WDR81: variants seen among roughly 807,000 people sequenced by gnomAD.
WDR81 encodes the protein WD repeat domain 81.
WDR81 carries 92 observed loss-of-function variants against 140.8 expected under a neutral mutation model. The ratio of observed to expected loss-of-function variants is 0.65; its 90% CI spans 0.55 to 0.78. The LOEUF (loss-of-function observed/expected upper bound fraction) is 0.78. WDR81 is among the 30% of genes least tolerant of loss of function. The pLI is 0.00. For synonymous variants in WDR81, 1,183 were observed against 1,156.4 expected, an observed-to-expected ratio of 1.02 and a Z score of -0.47; for missense variants, 2,502 against 2,636.4, an observed-to-expected ratio of 0.95 and a Z score of 1.12.
chr17:1,731,989 T>C (rs1904389812), intron 4 of WDR81, among the ~76,000 whole-genome samples: 1 of 149,888 alleles, frequency 6.7e-6, no homozygotes, highest in Non-Finnish European at 1.5e-5. Flanking sequence ...ATCCCAGCAC[T>C]TTGGGAGGCC....
intron 1 of WDR81, among the ~76,000 whole-genome samples, chr17:1,717,891 C>T (rs73291045): frequency 0.03 from 4,591 of 152,176 alleles, 224 homozygotes; most frequent in African/African-American, 0.1. Flanking sequence ...AAGGCCAGTA[C>T]TGGGGAGGTC....
chr17:1,733,727 G>C lies in WDR81; in HGVS notation c.4690G>C (p.Val1564Leu). ...GHSGTFGSVL[V>L]GNRIQIPNDS... Reference sequence around the variant, plus strand: ...CTCAGGGACCTTTGGGAGCGTCCTGGTGGGGAACCGCATTCAGATCCCCAA... The same window carrying C: ...CTCAGGGACCTTTGGGAGCGTCCTGCTGGGGAACCGCATTCAGATCCCCAA... The change falls in exon 7 of 10, where the codon GTG (valine) becomes CTG (leucine). Residue 1564 changes from valine to leucine, a missense_variant. Physicochemically the swap from Val to Leu is conservative, Grantham distance 32 (BLOSUM62 1). This residue lies in a region of WDR81 where 1,737 missense variants were observed against 1,843.0 expected (regional missense o/e 0.94). Transcript: ENST00000409644. The C allele has an allele frequency of 6.2e-7, 1 of 1,612,678 alleles. No homozygotes were observed. The highest frequency in any genetic ancestry group is 8.5e-7 in the Non-Finnish European group (1 of 1,179,872).
At position 1,726,420 on chromosome 17, in the gene WDR81, C is replaced by T. The variant is rs755560485; in HGVS notation, c.1461C>T (p.Thr487=). 2.6e-6 allele frequency: 4 copies of T among 1,548,968 alleles called. No homozygotes were observed. Among genetic ancestry groups the T allele is most frequent in the Non-Finnish European group, 3.5e-6 (4 of 1,146,558 alleles). ...PASMERMQNW[T]PDECIPEFYT... is the part of the protein sequence containing the mutation. ...GCATGGAGCGGATGCAGAACTGGACCCCGGATGAGTGCATTCCGGAGTTCT... is the reference window on the plus strand; with the variant it reads ...GCATGGAGCGGATGCAGAACTGGACTCCGGATGAGTGCATTCCGGAGTTCT... Residue 487 remains threonine (T), a synonymous_variant, in exon 1 of 10, where the codon ACC becomes ACT. Transcript: ENST00000409644.
In WDR81 at chr17:1,726,638, A is replaced by C. The variant is rs1280552773; in HGVS notation, c.1679A>C (p.Lys560Thr). The C allele has an allele frequency of 6.5e-7, 1 of 1,550,268 alleles. No homozygotes were observed. Among genetic ancestry groups the C allele is most frequent in the South Asian group, 1.2e-5 (1 of 84,060 alleles). Reference sequence around the variant, plus strand: ...AAACTCCAGGGTAAGGAGGCTGTCAAGGAAAAGAATGTGTGTCTGCACCTG... The same window carrying C: ...AAACTCCAGGGTAAGGAGGCTGTCACGGAAAAGAATGTGTGTCTGCACCTG... ...GYKLQGKEAV[K>T]EKNVCLHLVD... Residue 560 changes from lysine to threonine, a missense_variant, in exon 1 of 10, where the codon AAG (lysine) becomes ACG (threonine). Physicochemically the swap from Lys to Thr is moderately conservative, Grantham distance 78 (BLOSUM62 -1). This residue lies in a region of WDR81 where 218 missense variants were observed against 279.6 expected (regional missense o/e 0.78). Transcript: ENST00000409644.
chr17:1,737,312 AG>A, intron 9 of WDR81, 52 bp from the exon 10 acceptor site: 4 of 1,525,392 alleles, frequency 2.6e-6, no homozygotes, highest in Non-Finnish European at 3.5e-6. Context: ...TTGGGGCCCA[AG>A]GGTATGCAGA....
At chr17:1,717,766 C>T (rs752778685) in intron 1 of WDR81, among the ~76,000 whole-genome samples, 4 of 152,178 alleles carry the variant, frequency 2.6e-5, no homozygotes, top group Non-Finnish European at 5.9e-5. Context: ...CTCCCCCAAC[C>T]CCAACCCCGC....
At position 1,725,478 on chromosome 17, in the gene WDR81, C is replaced by A; in HGVS notation, c.519C>A (p.Ala173=). The change falls in exon 1 of 10, where the codon GCC becomes GCA. Residue 173 remains alanine, a synonymous_variant. Transcript: ENST00000409644. ...SHSPAPSAVP[A]LDSVRQALQR... ...GCCCTGCCCCCTCAGCTGTCCCTGC[C>A]TTGGACTCAGTACGGCAGGCTCTGC... The A allele has an allele frequency of 6.5e-7, 1 of 1,548,678 alleles. No homozygotes were observed. Among genetic ancestry groups the A allele is most frequent in the Non-Finnish European group, 8.7e-7 (1 of 1,146,936 alleles).
rs762864786 is a variant in WDR81 at position 1,731,199 on chromosome 17, C to G, written c.4098C>G (p.Pro1366=). ...ACACCACACTCATGGACATCCTGCCCCGGATCAGCCATGAGGTCCTGCTGC... is the reference window on the plus strand; with the variant it reads ...ACACCACACTCATGGACATCCTGCCGCGGATCAGCCATGAGGTCCTGCTGC... ...LSDTTLMDIL[P]RISHEVLLPV... is the part of the protein sequence containing the mutation. The change falls in exon 4 of 10, where the codon CCC becomes CCG. Residue 1366 remains proline, a synonymous_variant. Transcript: ENST00000409644. The G allele has an allele frequency of 2.5e-6, 4 of 1,613,600 alleles. No individual in the cohort carries two copies. The highest frequency in any genetic ancestry group is 3.4e-6 in the Non-Finnish European group (4 of 1,180,016).
upstream of WDR81, among the ~76,000 whole-genome samples, chr17:1,721,761 G>T (rs1444890425): frequency 6.6e-6 from 1 of 151,280 alleles, no homozygotes; most frequent in African/African-American, 2.4e-5. Context: ...GGTCGAGGCT[G>T]CAGGGAGCCA....
At chr17:1,716,843 A>G in intron 1 of WDR81, 1 of 621,164 alleles carries the variant, frequency 1.6e-6, no homozygotes, top group East Asian at 2.8e-5. Flanking sequence ...AGGGCAGCAG[A>G]GACTGCCGTT....
chr17:1,716,692 G>A, intron 1 of WDR81: 2 of 1,528,850 alleles, frequency 1.3e-6, no homozygotes, highest in Non-Finnish European at 1.8e-6. Flanking sequence ...CTTAAAGGGC[G>A]ACAGCCCCTC....
In WDR81 at chr17:1,726,603, G is replaced by C. The variant is rs771489078; in HGVS notation, c.1644G>C (p.Thr548=). 1 of 1,550,188 alleles carries C rather than the reference G, an allele frequency of 6.5e-7. No individual in the cohort carries two copies. The highest frequency in any genetic ancestry group is 1.4e-5 in the African/African-American group (1 of 73,014). The change falls in exon 1 of 10, where the codon ACG becomes ACC. Residue 548 remains threonine, a synonymous_variant. Coordinates refer to ENST00000409644, the MANE Select transcript of WDR81 (RefSeq NM_001163809.2). The stretch of plus-strand genomic sequence containing the variant: ...ACCTGCACCATTGGATCGACCTCAC[G>C]TTTGGCTATAAACTCCAGGGTAAGG... ...SRDLHHWIDL[T]FGYKLQGKEA... is the part of the protein sequence containing the mutation.
chr17:1,732,875 T>A (rs760416292), intron 6 of WDR81, 44 bp downstream of exon 6: 1 of 1,555,212 alleles, frequency 6.4e-7, no homozygotes, highest in Admixed American at 1.8e-5. Flanking sequence ...CGTGGCTGTC[T>A]CCTCCCTTGG....
chr17:1,732,293 G>A (rs377456986), intron 4 of WDR81, 32 bp from the exon 5 acceptor site: 8 of 1,603,054 alleles, frequency 5.0e-6, no homozygotes, highest in Middle Eastern at 1.7e-4. Flanking sequence ...CCTGCAGAAC[G>A]GCGGGCTGGA....
upstream of WDR81, among the ~76,000 whole-genome samples, chr17:1,723,457 T>TTATTTTTTTTA (rs60606428): frequency 7.7e-6 from 1 of 130,538 alleles, no homozygotes; most frequent in South Asian, 2.4e-4. Context: ...ATTTATTTAT[T>TTATTTTTTTTA]TTTATTTATT....
chr17:1,717,036 C>T (rs1914606736), intron 1 of WDR81: 1 of 250,144 alleles, frequency 4.0e-6, no homozygotes, highest in Non-Finnish European at 7.8e-6. Flanking sequence ...ACAGTCCTCA[C>T]CTTAGGGTAG....
Position 1,728,191 on chromosome 17 carries a change from G to C in WDR81, c.3232G>C (p.Asp1078His), listed in dbSNP as rs763981411. 3 of 1,605,652 alleles carry C rather than the reference G, an allele frequency of 1.9e-6. No individual in the cohort carries two copies. Among genetic ancestry groups the C allele is most frequent in the Non-Finnish European group, 2.6e-6 (3 of 1,174,404 alleles). Residue 1078 changes from aspartate to histidine, a missense_variant, in exon 1 of 10, where the codon GAC (aspartate) becomes CAC (histidine). Asp to His is a moderately conservative substitution (Grantham distance 81). This residue lies in a region of WDR81 where 1,737 missense variants were observed against 1,843.0 expected (regional missense o/e 0.94). Coordinates refer to ENST00000409644, the MANE Select transcript of WDR81 (RefSeq NM_001163809.2). ...TSGVSFHDQA[D>H]LPETEDFQAG... ...TGGCGTCAGCTTCCACGACCAGGCT[G>C]ACCTCCCTGAGACAGAGGACTTCCA...
rs1905014342 is a variant in WDR81, at chr17:1,737,744, C to T, written c.*59C>T. 6.6e-7 allele frequency: 1 copy of T among 1,517,312 alleles called. No individual in the cohort carries two copies. The highest frequency in any genetic ancestry group is 1.3e-5 in the South Asian group (1 of 77,854). 94.0% of individuals were successfully genotyped at this position (1,517,312 alleles called of 1,614,324 possible). A position where few individuals can be genotyped will look rare whatever the true frequency, so the allele number is the denominator to read the frequency against. ...AGACATCTGCGGGCGCGTGTCCACT[C>T]ACCCTGTTCCCTGAGCAGCAGCTCC... On this transcript the variant is annotated 3_prime_UTR_variant, in exon 10 of 10. Coordinates refer to ENST00000409644, the MANE Select transcript of WDR81 (RefSeq NM_001163809.2).
At position 1,726,874 on chromosome 17, in the gene WDR81, G is replaced by C; in HGVS notation, c.1915G>C (p.Glu639Gln). The C allele has an allele frequency of 6.4e-7, 1 of 1,550,420 alleles. No homozygotes were observed. The highest frequency in any genetic ancestry group is 8.7e-7 in the Non-Finnish European group (1 of 1,146,978). The change falls in exon 1 of 10, where the codon GAG (glutamate) becomes CAG (glutamine). Residue 639 changes from glutamate (E) to glutamine (Q), a missense_variant. By Grantham distance (29) the Glu-to-Gln change is conservative (BLOSUM62 2). Coordinates refer to ENST00000409644, the MANE Select transcript of WDR81 (RefSeq NM_001163809.2). ...AAATGGAGTGGGCCGGCCAGTTTTA[G>C]AGGCCACTCCCTGTGAGGCTAGCTG... ...LPNGVGRPVLEATPCEASWTR... is the reference protein window; with the variant it reads ...LPNGVGRPVLQATPCEASWTR...
Sources: gnomAD v4.1 joint callset for allele counts (sites outside exome capture counted in the v4.1 genomes callset) on GRCh38, gnomAD v4.1.1 for gene constraint, gnomAD v4.1.1 regional missense constraint, MANE v1.5 for transcripts, NCBI Gene and HGNC (gene_info 2026-07-23, HGNC 2026-07-21) for gene names.